The following PLSCR4 variants were observed in gnomAD, a reference collection of about 807,000 sequenced individuals.
The protein encoded by PLSCR4 is Ca(2+)-dependent phospholipid scramblase 4.
A neutral mutation model predicts 36.3 loss-of-function variants in PLSCR4; 25 were observed. That is an observed-to-expected ratio of 0.69 (90% CI 0.50 to 0.96). The LOEUF (loss-of-function observed/expected upper bound fraction) is 0.96, where lower values mean the gene tolerates loss of function less well. Ranked by LOEUF, PLSCR4 falls within the 40% of genes least tolerant of loss-of-function variation. The pLI is 0.00. For synonymous variants in PLSCR4, 122 were observed against 132.9 expected, an observed-to-expected ratio of 0.92 and a Z score of 0.56; for missense variants, 408 against 414.7, an observed-to-expected ratio of 0.98 and a Z score of 0.14.
chr3:146,244,900 G>A (rs982692354), intron 1 of PLSCR4, among the ~76,000 whole-genome samples: 3 of 152,046 alleles, frequency 2.0e-5, no homozygotes, highest in Admixed American at 6.5e-5. Context: ...TCTAGGCAAC[G>A]TAAATTGAAA....
rs564722335 is a variant in PLSCR4 at position 146,200,216 on chromosome 3, T to C, written c.398-177A>G. 1.4e-4 allele frequency among the ~76,000 whole-genome samples: 21 copies of C among 152,146 alleles called. No homozygotes were observed. The South Asian group carries it at 2.5e-3, about 18-fold the overall frequency. On this transcript the variant is annotated intron_variant, in intron 5 of 8. Transcript: ENST00000354952. The stretch of plus-strand genomic sequence containing the variant: ...ATATTATCTAAAAGTATTTAAGCAA[T>C]TGTGAAAATTTAAAACATTTCTTTT...
chr3:146,234,218 T>C (rs1252278340), intron 1 of PLSCR4, among the ~76,000 whole-genome samples: 1 of 152,092 alleles, frequency 6.6e-6, no homozygotes, highest in African/African-American at 2.4e-5. Context: ...TTCTCTGGTA[T>C]CCCTGGCCCA....
At position 146,194,327 on chromosome 3, in the gene PLSCR4, C is replaced by T; in HGVS notation, c.*84G>A. The stretch of plus-strand genomic sequence containing the variant: ...TCTACAAAGCAAAGAAATACACTTG[C>T]AAATAACTGAGTGCTGACTGTAAGC... On this transcript the variant is annotated 3_prime_UTR_variant, in exon 9 of 9. Coordinates refer to ENST00000354952, the MANE Select transcript of PLSCR4 (RefSeq NM_020353.3). 1 of 893,256 alleles carries T rather than the reference C, an allele frequency of 1.1e-6. No homozygotes were observed. Among genetic ancestry groups the T allele is most frequent in the East Asian group, 2.4e-5 (1 of 41,366 alleles). The allele number at this position is 893,256 out of a possible 1,614,324, so 55.3% of individuals were successfully genotyped here.
At chr3:146,217,898 A>G (rs72991446) in intron 3 of PLSCR4, among the ~76,000 whole-genome samples, 2,157 of 152,256 alleles carry the variant, frequency 0.014, 53 homozygotes, top group African/African-American at 0.05. Flanking sequence ...GATGAAGGAA[A>G]AGGAAACCTT....
intron 1 of PLSCR4, among the ~76,000 whole-genome samples, chr3:146,243,440 CTAACTT>C (rs986091231): frequency 5.9e-5 from 9 of 152,168 alleles, no homozygotes; most frequent in African/African-American, 1.9e-4. Context: ...GAACCAATCT[CTAACTT>C]TAAGAAAAGA....
intron 1 of PLSCR4, among the ~76,000 whole-genome samples, chr3:146,235,821 C>A (rs1048774033): frequency 6.6e-6 from 1 of 152,126 alleles, no homozygotes; most frequent in Non-Finnish European, 1.5e-5. Flanking sequence ...TTATTGGCAA[C>A]TAGAGCAAAG....
At chr3:146,198,821 T>C (rs536064629) in intron 6 of PLSCR4, among the ~76,000 whole-genome samples, 5 of 152,252 alleles carry the variant, frequency 3.3e-5, no homozygotes, top group South Asian at 4.1e-4. Context: ...ATGCCTACTA[T>C]ATCCAAAAGG....
At chr3:146,220,577 A>T (rs1463601605) in intron 3 of PLSCR4, among the ~76,000 whole-genome samples, 2 of 152,148 alleles carry the variant, frequency 1.3e-5, no homozygotes, top group African/African-American at 2.4e-5. Context: ...TCATATCTCC[A>T]TATAGAATGG....
chr3:146,220,252 C>T (rs1001527874), intron 3 of PLSCR4, among the ~76,000 whole-genome samples: 3 of 152,042 alleles, frequency 2.0e-5, no homozygotes, highest in Non-Finnish European at 2.9e-5. Flanking sequence ...ATTCATTCTC[C>T]CAAGACATCA....
Position 146,194,379 on chromosome 3 carries a change from A to C in PLSCR4, c.*32T>G, listed in dbSNP as rs575482271. The C allele has an allele frequency of 3.2e-6, 5 of 1,541,398 alleles. No individual in the cohort carries two copies. The South Asian group carries it at 5.6e-5, about 17-fold the overall frequency. ...CAATCCAACTTTTCCATTTTTCAAAATTAACCATAGTTGATGGCTTGCTGT... is the reference window on the plus strand; with the variant it reads ...CAATCCAACTTTTCCATTTTTCAAACTTAACCATAGTTGATGGCTTGCTGT... On this transcript the variant is annotated 3_prime_UTR_variant, in exon 9 of 9. Transcript: ENST00000354952.
chr3:146,242,726 C>A (rs1340883117), intron 1 of PLSCR4, among the ~76,000 whole-genome samples: 1 of 152,096 alleles, frequency 6.6e-6, no homozygotes, highest in Non-Finnish European at 1.5e-5. Context: ...CTTTTCGAGA[C>A]GAATGGGAGA....
chr3:146,219,378 T>C (rs3804649), intron 3 of PLSCR4, among the ~76,000 whole-genome samples: 52,738 of 152,074 alleles, frequency 0.35, 9,227 homozygotes, highest in Admixed American at 0.38. Flanking sequence ...TTGTATATCA[T>C]GTTGGAAGTC....
chr3:146,233,046 T>C (rs1277852265), intron 1 of PLSCR4, among the ~76,000 whole-genome samples: 1 of 152,116 alleles, frequency 6.6e-6, no homozygotes, highest in Non-Finnish European at 1.5e-5. Context: ...TCAATTTCTT[T>C]GACAAAAACA....
rs372176546 is a variant in PLSCR4 at position 146,194,474 on chromosome 3, T to C, written c.946-19A>G. On this transcript the variant is annotated intron_variant, in intron 8 of 8. Coordinates refer to ENST00000354952, the MANE Select transcript of PLSCR4 (RefSeq NM_020353.3). Reference sequence around the variant, plus strand: ...TGAAGTCCTGAAATTGGAAAAAGAATTATATGTAGATATATAGATAATTAG... The same window carrying C: ...TGAAGTCCTGAAATTGGAAAAAGAACTATATGTAGATATATAGATAATTAG... The C allele has an allele frequency of 2.0e-6, 3 of 1,490,124 alleles. No individual in the cohort carries two copies. Among genetic ancestry groups the C allele is most frequent in the Non-Finnish European group, 2.8e-6 (3 of 1,067,418 alleles). 92.3% of individuals were successfully genotyped at this position (1,490,124 alleles called of 1,614,324 possible).
intron 4 of PLSCR4, among the ~76,000 whole-genome samples, chr3:146,201,872 CTTGAG>C (rs1250296739): frequency 1.3e-5 from 2 of 152,038 alleles, no homozygotes; most frequent in East Asian, 3.9e-4. Context: ...AAGAAACCTT[CTTGAG>C]GACACACTGA....
Position 146,221,060 on chromosome 3 carries a change from G to T in PLSCR4, c.8-135C>A, listed in dbSNP as rs1228955731. The stretch of plus-strand genomic sequence containing the variant: ...AAAATACACTCCTATATTTTTTAAA[G>T]AAAGAATTCATCATATATTAGACAC... On this transcript the variant is annotated intron_variant, in intron 2 of 8. Transcript: ENST00000354952. 9.1e-6 allele frequency: 5 copies of T among 547,098 alleles called. No individual in the cohort carries two copies. In the African/African-American group the frequency reaches 9.6e-5, roughly 10 times the overall value. The allele number at this position is 547,098 out of a possible 1,614,324, so 33.9% of individuals were successfully genotyped here. A position where few individuals can be genotyped will look rare whatever the true frequency, so the allele number is the denominator to read the frequency against.
intron 3 of PLSCR4, among the ~76,000 whole-genome samples, chr3:146,208,566 A>T (rs894946737): frequency 1.3e-5 from 2 of 152,176 alleles, no homozygotes; most frequent in Non-Finnish European, 2.9e-5. Flanking sequence ...CAAATTAGCA[A>T]GAAAATACAA....
chr3:146,217,390 G>A (rs796795206), intron 3 of PLSCR4, among the ~76,000 whole-genome samples: 9 of 152,334 alleles, frequency 5.9e-5, no homozygotes, highest in African/African-American at 2.2e-4. Flanking sequence ...CACTACTGCA[G>A]GACGAACTGC....
In PLSCR4 at chr3:146,212,456, GT is replaced by G. The variant is rs34304483; in HGVS notation, c.119-5696del. ...TGTTTTGTTTTTTTTTGTTTTTTGG[GT>G]TTTTTTTTTTTTAGACAGGGTCTCA... On this transcript the variant is annotated intron_variant, in intron 3 of 8. Transcript: ENST00000354952. Among the ~76,000 whole-genome samples, 199 of 137,128 alleles carry G rather than the reference GT, an allele frequency of 1.5e-3. No individual in the cohort carries two copies. In the South Asian group the frequency reaches 0.015, roughly 10 times the overall value. 90.0% of individuals were successfully genotyped at this position (137,128 alleles called of 152,430 possible). A position where few individuals can be genotyped will look rare whatever the true frequency, so the allele number is the denominator to read the frequency against.
Sources: allele counts gnomAD v4.1 joint callset (sites outside exome capture counted in the v4.1 genomes callset), GRCh38; gene constraint gnomAD v4.1.1; transcripts MANE v1.5; gene names NCBI Gene and HGNC (gene_info 2026-07-23, HGNC 2026-07-21).